Variants in KIAA1217 observed in about 807,000 individuals in gnomAD.
KIAA1217 encodes sickle tail protein homolog.
A neutral mutation model predicts 163.9 loss-of-function variants in KIAA1217; 88 were observed. The ratio of observed to expected loss-of-function variants is 0.54; its 90% confidence interval spans 0.45 to 0.64. The LOEUF (loss-of-function observed/expected upper bound fraction) is 0.64, where lower values mean the gene tolerates loss of function less well. Among genes scored for constraint, KIAA1217 ranks in the 30% least tolerant of loss-of-function variants. The pLI, the probability that KIAA1217 is intolerant of heterozygous loss-of-function variation, is 0.00. For synonymous variants in KIAA1217, 903 were observed against 923.1 expected, an observed-to-expected ratio of 0.98 and a Z score of 0.39; for missense variants, 2,372 against 2,475.0, an observed-to-expected ratio of 0.96 and a Z score of 0.88.
chr10:23,898,281 CTATATT>C (rs1841793514), intron 1 of KIAA1217, among the ~76,000 whole-genome samples: 1 of 150,330 alleles, frequency 6.7e-6, no homozygotes, highest in African/African-American at 2.4e-5. Context: ...AAAAAAGTTT[CTATATT>C]TATAAGACTA....
chr10:24,215,350 T>G (rs540310065), intron 1 of KIAA1217, among the ~76,000 whole-genome samples: 1 of 152,324 alleles, frequency 6.6e-6, no homozygotes, highest in South Asian at 2.1e-4. Context: ...CTTGCCTTCA[T>G]GCTACAGCTT....
Position 24,265,381 on chromosome 10 carries a change from A to C in KIAA1217, c.354+45472A>C, listed in dbSNP as rs114329443. 3.3e-3 allele frequency among the ~76,000 whole-genome samples: 500 copies of C among 152,310 alleles called. 2 individuals are homozygous for C. The highest frequency in any genetic ancestry group is 0.011 in the African/African-American group (443 of 41,566). ...TATTTTGACATCATTTATAACTGAC[A>C]ACACTGTGACTTTCATCCTCCTCTT... On this transcript the variant is annotated intron_variant, in intron 2 of 20. Coordinates refer to ENST00000376454, the MANE Select transcript of KIAA1217 (RefSeq NM_019590.5).
chr10:24,392,996 G>T (rs777920449), intron 3 of KIAA1217, among the ~76,000 whole-genome samples: 5 of 151,960 alleles, frequency 3.3e-5, no homozygotes, highest in Non-Finnish European at 5.9e-5. Flanking sequence ...CTAATTTTCA[G>T]ATATGATCCT....
intron 2 of KIAA1217, among the ~76,000 whole-genome samples, chr10:24,223,711 CTTTTTTTTTT>C (rs535787368): frequency 1.6e-5 from 2 of 128,488 alleles, no homozygotes; most frequent in East Asian, 4.4e-4. Context: ...AATCTAGGTT[CTTTTTTTTTT>C]TTTTTTTTGG....
At chr10:24,024,162 T>C (rs1418372317) in intron 2 of KIAA1217, among the ~76,000 whole-genome samples, 3 of 151,696 alleles carry the variant, frequency 2.0e-5, no homozygotes, top group African/African-American at 4.8e-5. Flanking sequence ...TAAATATTAA[T>C]AATAAATTCA....
At chr10:24,247,927 A>G (rs1479571984) in intron 2 of KIAA1217, among the ~76,000 whole-genome samples, 1 of 152,232 alleles carries the variant, frequency 6.6e-6, no homozygotes, top group Non-Finnish European at 1.5e-5. Context: ...TCATATGCAT[A>G]TAACATTTTA....
chr10:24,100,005 T>C (rs2062345611), intron 2 of KIAA1217, among the ~76,000 whole-genome samples: 1 of 152,178 alleles, frequency 6.6e-6, no homozygotes, highest in Non-Finnish European at 1.5e-5. Flanking sequence ...TTCCACCTGA[T>C]AAGAGGTGGC....
At chr10:24,270,942 C>T (rs1366998414) in intron 2 of KIAA1217, among the ~76,000 whole-genome samples, 2 of 152,146 alleles carry the variant, frequency 1.3e-5, no homozygotes, top group East Asian at 3.8e-4. Context: ...CAAAGCACAC[C>T]ATATACTTCA....
At chr10:24,191,738 A>C (rs1564810004) in intron 2 of KIAA1217, among the ~76,000 whole-genome samples, 2 of 152,164 alleles carry the variant, frequency 1.3e-5, no homozygotes, top group African/African-American at 2.4e-5. Context: ...CTTATTAGCA[A>C]GAGAAAAGTG....
chr10:24,516,685 A>G (rs7895820), intron 10 of KIAA1217, among the ~76,000 whole-genome samples: 45,253 of 152,018 alleles, frequency 0.3, 7,022 homozygotes, highest in Middle Eastern at 0.4. Flanking sequence ...CGGACTGATT[A>G]AGAGGAAAAT....
At chr10:23,712,071 T>A (rs1199352594) in intron 1 of KIAA1217, among the ~76,000 whole-genome samples, 1 of 152,132 alleles carries the variant, frequency 6.6e-6, no homozygotes, top group Non-Finnish European at 1.5e-5. Context: ...AATGGTGGAC[T>A]CTTCTAGTGA....
chr10:23,995,945 C>G (rs12254935), intron 1 of KIAA1217, among the ~76,000 whole-genome samples: 1,855 of 152,234 alleles, frequency 0.012, 30 homozygotes, highest in African/African-American at 0.041. Flanking sequence ...TCTTATTTCT[C>G]TTGAGTAAAA....
intron 1 of KIAA1217, among the ~76,000 whole-genome samples, chr10:23,790,711 A>ATATATATG (rs576762545): frequency 5.7e-5 from 8 of 140,376 alleles, no homozygotes; most frequent in South Asian, 4.3e-4. Context: ...ACACATATAT[A>ATATATATG]TATGTATGTA....
At chr10:23,957,897 A>G (rs923342965) in intron 1 of KIAA1217, among the ~76,000 whole-genome samples, 2 of 152,210 alleles carry the variant, frequency 1.3e-5, no homozygotes, top group Admixed American at 6.5e-5. Flanking sequence ...CAAACCAACA[A>G]ATCTTCAGAA....
chr10:24,487,219 C>T (rs1373860321), intron 6 of KIAA1217, among the ~76,000 whole-genome samples: 4 of 152,190 alleles, frequency 2.6e-5, no homozygotes, highest in African/African-American at 4.8e-5. Flanking sequence ...CCTATTGCTC[C>T]GTCTCCACCA....
chr10:24,219,625 G>A lies in KIAA1217; in HGVS notation c.71-1G>A. On this transcript the variant is annotated splice_acceptor_variant, in intron 1 of 20. Coordinates refer to ENST00000376454, the MANE Select transcript of KIAA1217 (RefSeq NM_019590.5). LOFTEE classifies it high-confidence loss of function. ...GTGAACCGAATTTTTTTGTCTTTCA[G>A]AACAAGGCAAAGGCAATCTGCATGT... 5.1e-6 allele frequency: 8 copies of A among 1,577,450 alleles called. No individual in the cohort carries two copies. Among genetic ancestry groups the A allele is most frequent in the Non-Finnish European group, 6.9e-6 (8 of 1,160,704 alleles).
chr10:24,049,653 C>T (rs1020141199), intron 2 of KIAA1217, among the ~76,000 whole-genome samples: 13 of 152,240 alleles, frequency 8.5e-5, no homozygotes, highest in Admixed American at 3.3e-4. Context: ...TTTTTTATGG[C>T]TGCATAGTAT....
chr10:24,013,369 A>G (rs1847328888), intron 2 of KIAA1217, among the ~76,000 whole-genome samples: 1 of 151,712 alleles, frequency 6.6e-6, no homozygotes, highest in Non-Finnish European at 1.5e-5. Flanking sequence ...ACATCTATAT[A>G]TTAATTATAT....
intron 2 of KIAA1217, among the ~76,000 whole-genome samples, chr10:24,261,631 G>T (rs2075737049): frequency 6.6e-6 from 1 of 152,070 alleles, no homozygotes; most frequent in Admixed American, 6.6e-5. Context: ...TTCTATCCCA[G>T]TCTTTGATGG....
Sources: gnomAD v4.1 joint callset for allele counts (sites outside exome capture counted in the v4.1 genomes callset) on GRCh38, gnomAD v4.1.1 for gene constraint, MANE v1.5 for transcripts, NCBI Gene and HGNC (gene_info 2026-07-23, HGNC 2026-07-21) for gene names.